The following SCN3A variants were observed in gnomAD, a reference collection of about 807,000 sequenced individuals.
SCN3A encodes the protein sodium channel protein type 3 subunit alpha.
SCN3A carries 60 observed loss-of-function variants against 187.6 expected under a neutral mutation model. That is an observed-to-expected ratio of 0.32 (90% CI 0.26 to 0.40). The LOEUF is 0.40. Among genes scored for constraint, SCN3A ranks in the 10% least tolerant of loss-of-function variants. The pLI, the probability that SCN3A is intolerant of heterozygous loss-of-function variation, is 1.00. For synonymous variants in SCN3A, 788 were observed against 829.2 expected (o/e 0.95, Z 0.85); for missense variants, 1,601 against 2,428.2 (o/e 0.66, Z 7.16).
chr2:165,177,921 A>G (rs987715996), intron 2 of SCN3A, among the ~76,000 whole-genome samples: 4 of 152,146 alleles, frequency 2.6e-5, no homozygotes, highest in African/African-American at 9.7e-5. Flanking sequence ...AAAAGAACCT[A>G]CCACTATGGC....
intron 1 of SCN3A, among the ~76,000 whole-genome samples, chr2:165,201,651 T>C (rs1692327697): frequency 6.6e-6 from 1 of 152,056 alleles, no homozygotes; most frequent in Non-Finnish European, 1.5e-5. Flanking sequence ...CAGGTAATAG[T>C]GGCCATAAAA....
chr2:165,199,495 T>G (rs1692185113), intron 1 of SCN3A, among the ~76,000 whole-genome samples: 1 of 151,906 alleles, frequency 6.6e-6, no homozygotes, highest in Non-Finnish European at 1.5e-5. Flanking sequence ...TCTTTATTCA[T>G]AGATCTTGGG....
intron 26 of SCN3A, 188 bp downstream of exon 26, chr2:165,094,186 C>T: frequency 1.6e-6 from 1 of 633,828 alleles, no homozygotes; most frequent in Non-Finnish European, 2.8e-6. Context: ...AGAACATTAC[C>T]TCCTTTTTTT....
At chr2:165,138,228 G>T (rs1348016667) in intron 14 of SCN3A, 111 bp from the exon 15 acceptor site, 3 of 786,788 alleles carry the variant, frequency 3.8e-6, no homozygotes, top group Non-Finnish European at 6.6e-6. Context: ...GAAAATAGAA[G>T]TTCATATTAC....
At position 165,183,763 on chromosome 2, in the gene SCN3A, C is replaced by T. The variant is rs539071301; in HGVS notation, c.-51+2788G>A. Among the ~76,000 whole-genome samples, 4 of 152,054 alleles carry T rather than the reference C, an allele frequency of 2.6e-5. No homozygotes were observed. In the South Asian group the frequency reaches 8.3e-4, roughly 32 times the overall value. On this transcript the variant is annotated intron_variant, in intron 2 of 27. Coordinates refer to ENST00000283254, the MANE Select transcript of SCN3A (RefSeq NM_006922.4). ...TTTATGATTGTGTTGCAGTCAAAAT[C>T]GATTAGTTCTGGTCTGTTTCCATGG...
At position 165,154,440 on chromosome 2, in the gene SCN3A, A is replaced by G. The variant is rs146105464; in HGVS notation, c.1380+12T>C. On this transcript the variant is annotated intron_variant, in intron 11 of 27. Coordinates refer to ENST00000283254, the MANE Select transcript of SCN3A (RefSeq NM_006922.4). The stretch of plus-strand genomic sequence containing the variant: ...ATAATAATGATAAATCTTTGCTTTT[A>G]TCACTCAGTACCTGAGCTTCTTCCT... 1.8e-3 allele frequency: 2,846 copies of G among 1,613,330 alleles called. 8 individuals carry two copies. Among genetic ancestry groups the G allele is most frequent in the Non-Finnish European group, 2.2e-3 (2,561 of 1,179,296 alleles).
intron 18 of SCN3A, among the ~76,000 whole-genome samples, chr2:165,117,423 T>G (rs1387427311): frequency 1.3e-5 from 2 of 152,136 alleles, no homozygotes; most frequent in Non-Finnish European, 2.9e-5. Context: ...TATAGAGCAT[T>G]TAATCTATTA....
At chr2:165,160,128 C>CAAAAA (rs1271338496) in intron 9 of SCN3A, among the ~76,000 whole-genome samples, 1 of 101,714 alleles carries the variant, frequency 9.8e-6, no homozygotes, top group Non-Finnish European at 1.8e-5. Flanking sequence ...AACTCCGTCT[C>CAAAAA]AAAAAAAAAC....
chr2:165,095,511 C>T lies in SCN3A; in HGVS notation c.4431G>A (p.Lys1477=). The T allele has an allele frequency of 6.2e-7, 1 of 1,612,234 alleles. No homozygotes were observed. Among genetic ancestry groups the T allele is most frequent in the Non-Finnish European group, 8.5e-7 (1 of 1,178,630 alleles). ...AAGGTAAAAGCTAAAGAATACTTAT[C>T]TTCTTTTTCTGCTGGTTGAAGTTAT... is the stretch of plus-strand genomic sequence containing the variant. ...IIDNFNQQKK[K]FGGQDIFMTE... Residue 1477 remains lysine, a splice_region_variant and synonymous_variant, in exon 25 of 28, where the codon AAG becomes AAA. Transcript: ENST00000283254.
At position 165,162,600 on chromosome 2, in the gene SCN3A, A is replaced by C. The variant is rs748008217; in HGVS notation, c.923T>G (p.Val308Gly). The C allele has an allele frequency of 6.2e-7, 1 of 1,614,180 alleles. No homozygotes were observed. Among genetic ancestry groups the C allele is most frequent in the Non-Finnish European group, 8.5e-7 (1 of 1,180,016 alleles). The change falls in exon 8 of 28, where the codon GTA becomes GGA. Residue 308 changes from valine (V) to glycine (G), a missense_variant. This residue lies in a region of SCN3A where 104 missense variants were observed against 102.7 expected (regional missense o/e 1.01). Coordinates refer to ENST00000283254, the MANE Select transcript of SCN3A (RefSeq NM_006922.4). ...TMDSNGTFVN[V>G]TMSTFNWKDY... ...CTTCCAGTTAAATGTGCTCATTGTT[A>C]CATTAACAAATGTCCCATTTGAATC...
chr2:165,134,892 C>T (rs1574180864), intron 15 of SCN3A, among the ~76,000 whole-genome samples: 1 of 151,908 alleles, frequency 6.6e-6, no homozygotes, highest in East Asian at 1.9e-4. Context: ...CTTTTCAGCT[C>T]TTCTAAAATG....
At chr2:165,110,937 T>A (rs1355519855) in intron 21 of SCN3A, among the ~76,000 whole-genome samples, 2 of 152,224 alleles carry the variant, frequency 1.3e-5, no homozygotes, top group Non-Finnish European at 2.9e-5. Context: ...TTTTACATGA[T>A]AATCATGTTT....
chr2:165,186,979 C>T (rs75693334), intron 1 of SCN3A, among the ~76,000 whole-genome samples: 3,578 of 152,228 alleles, frequency 0.024, 121 homozygotes, highest in African/African-American at 0.075. Flanking sequence ...GACAGGGGTG[C>T]TCCCCCTTCT....
At chr2:165,177,911 A>G (rs1235627569) in intron 2 of SCN3A, among the ~76,000 whole-genome samples, 1 of 152,228 alleles carries the variant, frequency 6.6e-6, no homozygotes, top group Non-Finnish European at 1.5e-5. Flanking sequence ...GTCATCTTAT[A>G]AAAGAACCTA....
chr2:165,135,191 T>C (rs1464942103), intron 15 of SCN3A, among the ~76,000 whole-genome samples: 1 of 152,006 alleles, frequency 6.6e-6, no homozygotes, highest in Admixed American at 6.6e-5. Context: ...TGAATCCCTA[T>C]GATGGGAGCA....
intron 21 of SCN3A, among the ~76,000 whole-genome samples, chr2:165,104,884 A>C (rs1027744663): frequency 6.6e-6 from 1 of 152,210 alleles, no homozygotes; most frequent in Non-Finnish European, 1.5e-5. Flanking sequence ...AAGTTCAACT[A>C]GAAGAAAAGC....
chr2:165,172,821 G>A lies in SCN3A; in HGVS notation c.265-2273C>T, dbSNP rs182760678. 3.0e-3 allele frequency among the ~76,000 whole-genome samples: 449 copies of A among 152,190 alleles called. 1 individual carries two copies. The highest frequency in any genetic ancestry group is 0.01 in the African/African-American group (430 of 41,524). On this transcript the variant is annotated intron_variant, in intron 3 of 27. Coordinates refer to ENST00000283254, the MANE Select transcript of SCN3A (RefSeq NM_006922.4). The stretch of plus-strand genomic sequence containing the variant: ...ATTTATAGGTTCTAAAACAGAGCAG[G>A]CCTTAAGACTACAATCCCAGTTTAT...
intron 21 of SCN3A, among the ~76,000 whole-genome samples, chr2:165,103,846 A>G (rs1025311148): frequency 1.3e-5 from 2 of 152,194 alleles, no homozygotes; most frequent in South Asian, 2.1e-4. Context: ...ATATATTTCA[A>G]TCTAAAAGCT....
chr2:165,092,920 G>A lies in SCN3A; in HGVS notation c.4537-396C>T. ...AAAAAAAAATTAGCCTGGTATGGTG[G>A]CACAGGCTTGCAGTCCCAGCTACGA... On this transcript the variant is annotated intron_variant, in intron 26 of 27. Transcript: ENST00000283254. This position sits in a 1 kb window ranked among gnomAD's most constrained non-coding sequence, Gnocchi z 4.2. 5.2e-6 allele frequency: 1 copy of A among 192,420 alleles called. No individual in the cohort carries two copies. Among genetic ancestry groups the A allele is most frequent in the Non-Finnish European group, 1.1e-5 (1 of 92,804 alleles). The allele number at this position is 192,420 out of a possible 1,614,324, so 11.9% of individuals were successfully genotyped here.
Sources: gnomAD v4.1 joint callset for allele counts (sites outside exome capture counted in the v4.1 genomes callset) on GRCh38, gnomAD v4.1.1 for gene constraint, gnomAD v4.1.1 regional missense constraint, Gnocchi (gnomAD v3.1) non-coding constraint, MANE v1.5 for transcripts, NCBI Gene and HGNC (gene_info 2026-07-23, HGNC 2026-07-21) for gene names.